The following PIK3CD variants were observed in gnomAD, a reference collection of about 807,000 sequenced individuals.
PIK3CD encodes phosphatidylinositol 4,5-bisphosphate 3-kinase catalytic subunit delta isoform.
PIK3CD carries 20 observed loss-of-function variants against 122.9 expected under a neutral mutation model. That is an observed-to-expected ratio of 0.16 (90% confidence interval 0.11 to 0.24). The LOEUF is 0.24. PIK3CD is among the 10% of genes least tolerant of loss of function. The pLI is 1.00. For missense variants in PIK3CD, 787 were observed against 1,406.3 expected (o/e 0.56, Z 7.04); for synonymous variants, 596 against 593.4 (o/e 1.00, Z -0.06).
At chr1:9,701,668 CAAAAAAA>C (rs1163030937) in intron 2 of PIK3CD, among the ~76,000 whole-genome samples, 1 of 79,014 alleles carries the variant, frequency 1.3e-5, no homozygotes, top group African/African-American at 4.6e-5. Context: ...GACTCTGTCT[CAAAAAAA>C]AAAAAAAAAA....
chr1:9,655,452 C>G (rs1464212847), intron 1 of PIK3CD, among the ~76,000 whole-genome samples: 5 of 132,290 alleles, frequency 3.8e-5, no homozygotes, highest in Non-Finnish European at 8.1e-5. Context: ...CCCCGCCCCC[C>G]CCCCTTTTTT....
chr1:9,665,987 C>A (rs1645146073), intron 1 of PIK3CD, among the ~76,000 whole-genome samples: 1 of 152,110 alleles, frequency 6.6e-6, no homozygotes, highest in Non-Finnish European at 1.5e-5. Flanking sequence ...AGTGCAATGG[C>A]ACAATCTTGG....
chr1:9,691,388 G>T, intron 1 of PIK3CD, 79 bp from the exon 2 acceptor site: 1 of 395,762 alleles, frequency 2.5e-6, no homozygotes, highest in Non-Finnish European at 4.5e-6. Flanking sequence ...CTAACGTCCT[G>T]TAAGAGAATG....
intron 1 of PIK3CD, among the ~76,000 whole-genome samples, chr1:9,665,986 G>T (rs1186672303): frequency 6.6e-6 from 1 of 152,120 alleles, no homozygotes; most frequent in East Asian, 1.9e-4. Flanking sequence ...GAGTGCAATG[G>T]CACAATCTTG....
upstream of PIK3CD, among the ~76,000 whole-genome samples, chr1:9,650,838 A>AT (rs34699150): frequency 0.53 from 79,820 of 151,350 alleles, 22,660 homozygotes; most frequent in East Asian, 0.9. Flanking sequence ...ACCAATGGAG[A>AT]TTTTCCTTTT....
chr1:9,678,361 C>T (rs1013776039), intron 1 of PIK3CD, among the ~76,000 whole-genome samples: 3 of 151,908 alleles, frequency 2.0e-5, no homozygotes, highest in Non-Finnish European at 4.4e-5. Context: ...GAGGCTGAGG[C>T]GGGAGGATCG....
chr1:9,721,108 T>A lies in PIK3CD; in HGVS notation c.1690-19T>A. On this transcript the variant is annotated intron_variant, in intron 13 of 23. Coordinates refer to ENST00000377346, the MANE Select transcript of PIK3CD (RefSeq NM_005026.5). ...CCCTGACCCCGGCCGCCCCCAAGCCTGACCTCGGCTCCCCCCAGATGCTCT... is the reference window on the plus strand; with the variant it reads ...CCCTGACCCCGGCCGCCCCCAAGCCAGACCTCGGCTCCCCCCAGATGCTCT... 6.3e-7 allele frequency: 1 copy of A among 1,578,964 alleles called. No homozygotes were observed. Among genetic ancestry groups the A allele is most frequent in the Non-Finnish European group, 8.7e-7 (1 of 1,155,226 alleles).
At chr1:9,682,421 A>C (rs917281295) in intron 1 of PIK3CD, among the ~76,000 whole-genome samples, 2 of 151,632 alleles carry the variant, frequency 1.3e-5, no homozygotes, top group African/African-American at 4.9e-5. Context: ...TATTTTTAGG[A>C]GAGACGAAGT....
Position 9,710,298 on chromosome 1 carries a change from G to A in PIK3CD, c.-32-126G>A, listed in dbSNP as rs955874597. 2.5e-5 allele frequency: 20 copies of A among 795,066 alleles called. No individual in the cohort carries two copies. Among genetic ancestry groups the A allele is most frequent in the Middle Eastern group, 3.5e-4 (1 of 2,850 alleles). The allele number at this position is 795,066 out of a possible 1,614,324, so 49.3% of individuals were successfully genotyped here. ...TGAGGGAGGTGAGCTTTTTGTACCC[G>A]CAGGTCGGGAACTCACTCCTGAGCT... On this transcript the variant is annotated intron_variant, in intron 2 of 23. Transcript: ENST00000377346. The surrounding 1 kb of genome is among the most constrained non-coding windows in gnomAD (Gnocchi z 4.7).
At chr1:9,642,735 CTT>C in the PIK3CD span, among the ~76,000 whole-genome samples, 1 of 141,832 alleles carries the variant, frequency 7.1e-6, no homozygotes, top group African/African-American at 2.6e-5. Context: ...AAAAAAAAAA[CTT>C]GACCCACTGA....
At chr1:9,660,074 C>T (rs1418531184) in intron 1 of PIK3CD, among the ~76,000 whole-genome samples, 1 of 152,144 alleles carries the variant, frequency 6.6e-6, no homozygotes, top group African/African-American at 2.4e-5. Flanking sequence ...TGCCACCACG[C>T]CCAGCTAGTT....
At position 9,717,134 on chromosome 1, in the gene PIK3CD, T is replaced by A; in HGVS notation, c.930+26T>A. On this transcript the variant is annotated intron_variant, in intron 7 of 23. Coordinates refer to ENST00000377346, the MANE Select transcript of PIK3CD (RefSeq NM_005026.5). The surrounding 1 kb of genome is among the most constrained non-coding windows in gnomAD (Gnocchi z 5.4). ...GTGAGATGGCGCCTTCCGCCTCCCC[T>A]CTGAGCCACCCCTTCTTTCCACCTG... 1 of 1,613,562 alleles carries A rather than the reference T, an allele frequency of 6.2e-7. No individual in the cohort carries two copies. The highest frequency in any genetic ancestry group is 8.5e-7 in the Non-Finnish European group (1 of 1,179,926).
intron 1 of PIK3CD, chr1:9,662,664 T>C (rs1645042431): frequency 6.6e-6 from 1 of 152,190 alleles, no homozygotes; most frequent in African/African-American, 2.4e-5. Context: ...GCCACAAAAG[T>C]GAAGAGCGGT....
rs946770770 is a variant in PIK3CD, at chr1:9,704,814, G to A, written c.-32-5610G>A. On this transcript the variant is annotated intron_variant, in intron 2 of 23. Coordinates refer to ENST00000377346, the MANE Select transcript of PIK3CD (RefSeq NM_005026.5). This position sits in a 1 kb window ranked among gnomAD's most constrained non-coding sequence, Gnocchi z 5.0. ...CAGGCGTGAGCCACCACGCCCAGCC[G>A]GTCCCCCAAGTTTTGAAACAAAAGG... 3.3e-5 allele frequency among the ~76,000 whole-genome samples: 5 copies of A among 152,184 alleles called. No homozygotes were observed. Among genetic ancestry groups the A allele is most frequent in the East Asian group, 1.9e-4 (1 of 5,188 alleles).
Position 9,704,904 on chromosome 1 carries a change from G to A in PIK3CD, c.-32-5520G>A, listed in dbSNP as rs1435853024. ...AGTAGGATGTGGTTTTGCAATTGGA[G>A]GAAGTGGCGACCAGCAGTGGCAGTG... On this transcript the variant is annotated intron_variant, in intron 2 of 23. Coordinates refer to ENST00000377346, the MANE Select transcript of PIK3CD (RefSeq NM_005026.5). This position sits in a 1 kb window ranked among gnomAD's most constrained non-coding sequence, Gnocchi z 5.0. Among the ~76,000 whole-genome samples the A allele has an allele frequency of 6.6e-6, 1 of 152,224 alleles. No homozygotes were observed. The highest frequency in any genetic ancestry group is 1.9e-4 in the East Asian group (1 of 5,196).
At chr1:9,633,308 G>A in the PIK3CD span, among the ~76,000 whole-genome samples, 2 of 151,556 alleles carry the variant, frequency 1.3e-5, no homozygotes, top group Admixed American at 1.3e-4. Flanking sequence ...CTTTTATTTG[G>A]GATCATGCCA....
chr1:9,629,789 G>T, the PIK3CD span, among the ~76,000 whole-genome samples: 2 of 152,214 alleles, frequency 1.3e-5, no homozygotes, highest in African/African-American at 4.8e-5. Context: ...CTGCAGTCGG[G>T]CCGGGACCGC....
intron 23 of PIK3CD, among the ~76,000 whole-genome samples, chr1:9,725,746 ACG>A (rs1557678311): frequency 8.6e-5 from 13 of 151,266 alleles, no homozygotes; most frequent in Admixed American, 3.3e-4. Context: ...GTGTGGTGGC[ACG>A]CACCTGTAAT....
At chr1:9,642,047 G>A in the PIK3CD span, among the ~76,000 whole-genome samples, 10 of 152,066 alleles carry the variant, frequency 6.6e-5, no homozygotes, top group East Asian at 1.9e-4. Flanking sequence ...AGCAACACCC[G>A]CCCTTACTAC....
Sources: allele counts gnomAD v4.1 joint callset (sites outside exome capture counted in the v4.1 genomes callset), GRCh38; gene constraint gnomAD v4.1.1; non-coding constraint Gnocchi (gnomAD v3.1); transcripts MANE v1.5; gene names NCBI Gene and HGNC (gene_info 2026-07-23, HGNC 2026-07-21).